The following PRELID2 variants were observed in gnomAD, a reference collection of about 807,000 sequenced individuals.
PRELID2 encodes PRELI domain-containing protein 2.
Under a neutral mutation model 28.4 loss-of-function variants are expected in PRELID2, and 25 were observed. The ratio of observed to expected loss-of-function variants is 0.88; its 90% CI spans 0.64 to 1.23. PRELID2 has a LOEUF of 1.23. Ranked by LOEUF, PRELID2 falls within the 50% of genes most tolerant of loss-of-function variation. The pLI, the probability that PRELID2 is intolerant of heterozygous loss-of-function variation, is 0.00. For synonymous variants in PRELID2, 76 were observed against 71.6 expected (o/e 1.06, Z -0.31); for missense variants, 201 against 214.4 (o/e 0.94, Z 0.39).
chr5:145,570,236 C>T (rs1753004830), intron 1 of PRELID2, among the ~76,000 whole-genome samples: 1 of 152,080 alleles, frequency 6.6e-6, no homozygotes, highest in African/African-American at 2.4e-5. Context: ...GGGGTTAGGA[C>T]ATCAATATAT....
At chr5:145,369,590 A>G in the PRELID2 span, among the ~76,000 whole-genome samples, 1 of 152,120 alleles carries the variant, frequency 6.6e-6, no homozygotes, top group South Asian at 2.1e-4. Context: ...ATATATGTGA[A>G]TGCATCTTTA....
the PRELID2 span, among the ~76,000 whole-genome samples, chr5:145,327,578 T>C: frequency 6.6e-6 from 1 of 152,136 alleles, no homozygotes; most frequent in African/African-American, 2.4e-5. Context: ...TGTCTTTTGA[T>C]TGGAGAATGT....
the PRELID2 span, among the ~76,000 whole-genome samples, chr5:145,328,322 A>C: frequency 1.3e-5 from 2 of 152,178 alleles, no homozygotes; most frequent in East Asian, 3.9e-4. Context: ...GCTGAGTCAA[A>C]TGGTAATTCT....
chr5:145,626,245 C>G (rs1267401363), intron 1 of PRELID2, among the ~76,000 whole-genome samples: 1 of 152,054 alleles, frequency 6.6e-6, no homozygotes, highest in African/African-American at 2.4e-5. Flanking sequence ...AAGCAGATAA[C>G]CTACAGAATT....
intron 1 of PRELID2, among the ~76,000 whole-genome samples, chr5:145,481,153 C>T (rs757822370): frequency 2.6e-5 from 4 of 152,100 alleles, no homozygotes; most frequent in African/African-American, 4.8e-5. Context: ...CTTCTATAAT[C>T]GTGCCAATTA....
intron 1 of PRELID2, among the ~76,000 whole-genome samples, chr5:145,666,474 C>A (rs147759136): frequency 1.0e-3 from 155 of 152,102 alleles, no homozygotes; most frequent in African/African-American, 3.6e-3. Flanking sequence ...GGCATCTATT[C>A]CAGACAGGTA....
intron 4 of PRELID2, among the ~76,000 whole-genome samples, chr5:145,800,992 C>T (rs766109350): frequency 3.9e-4 from 59 of 151,872 alleles, no homozygotes; most frequent in Admixed American, 2.1e-3. Flanking sequence ...GATGGACAGA[C>T]GGACGGATGA....
At chr5:145,603,461 A>G (rs1442505192) in intron 1 of PRELID2, among the ~76,000 whole-genome samples, 1 of 152,198 alleles carries the variant, frequency 6.6e-6, no homozygotes, top group African/African-American at 2.4e-5. Context: ...TGTTCTACCA[A>G]GTGAATGTAT....
At chr5:145,822,128 A>G (rs1254460370) in intron 2 of PRELID2, among the ~76,000 whole-genome samples, 3 of 152,276 alleles carry the variant, frequency 2.0e-5, no homozygotes, top group African/African-American at 7.2e-5. Context: ...CATGATTCCT[A>G]AGAAGGGTAA....
intron 1 of PRELID2, among the ~76,000 whole-genome samples, chr5:145,712,428 G>A (rs957939084): frequency 1.3e-5 from 2 of 152,100 alleles, no homozygotes; most frequent in South Asian, 2.1e-4. Context: ...ATTGGCAAGG[G>A]TAGAAATCAG....
chr5:145,423,204 A>G, the PRELID2 span, among the ~76,000 whole-genome samples: 3 of 151,134 alleles, frequency 2.0e-5, no homozygotes, highest in East Asian at 5.9e-4. Flanking sequence ...GAATCTGACA[A>G]TTATGTGTCT....
the PRELID2 span, among the ~76,000 whole-genome samples, chr5:145,317,694 C>T: frequency 2.8e-3 from 429 of 152,300 alleles, 3 homozygotes; most frequent in African/African-American, 1.0e-2. Flanking sequence ...TCTTCTATGA[C>T]TCCAGCTCAC....
At chr5:145,811,916 A>G (rs557261978) in intron 4 of PRELID2, among the ~76,000 whole-genome samples, 1 of 152,274 alleles carries the variant, frequency 6.6e-6, no homozygotes, top group South Asian at 2.1e-4. Context: ...CATGAAGAGG[A>G]AAAAAGGTGT....
At chr5:145,512,928 G>A (rs973727443) in intron 1 of PRELID2, among the ~76,000 whole-genome samples, 2 of 152,084 alleles carry the variant, frequency 1.3e-5, no homozygotes, top group African/African-American at 4.8e-5. Flanking sequence ...CAAACAGAAA[G>A]GAATAGCATC....
chr5:145,573,968 A>T (rs982104358), intron 1 of PRELID2, among the ~76,000 whole-genome samples: 3 of 152,238 alleles, frequency 2.0e-5, no homozygotes, highest in Non-Finnish European at 4.4e-5. Context: ...TTCTCCCTGG[A>T]AACAATGGAT....
intron 1 of PRELID2, among the ~76,000 whole-genome samples, chr5:145,693,086 A>G (rs1755183022): frequency 6.6e-6 from 1 of 152,126 alleles, no homozygotes; most frequent in South Asian, 2.1e-4. Flanking sequence ...ATTGTTCCTC[A>G]TAAATTCCTT....
At chr5:145,795,649 A>C (rs2149816214) in intron 5 of PRELID2, 1 of 152,302 alleles carries the variant, frequency 6.6e-6, no homozygotes, top group East Asian at 1.9e-4. Context: ...AAAATCTGGA[A>C]ATAAATGAGT....
At chr5:145,692,700 G>T (rs938275452) in intron 1 of PRELID2, among the ~76,000 whole-genome samples, 1 of 152,164 alleles carries the variant, frequency 6.6e-6, no homozygotes, top group Non-Finnish European at 1.5e-5. Context: ...TATACCAAAA[G>T]ACAAGTATTT....
At chr5:145,392,708 AAGAG>A in the PRELID2 span, among the ~76,000 whole-genome samples, 6 of 151,984 alleles carry the variant, frequency 3.9e-5, no homozygotes, top group African/African-American at 1.4e-4. Flanking sequence ...GAGAGAAAGA[AAGAG>A]AGAGGGAAAG....
Sources: gnomAD v4.1 joint callset for allele counts (sites outside exome capture counted in the v4.1 genomes callset) on GRCh38, gnomAD v4.1.1 for gene constraint, MANE v1.5 for transcripts, NCBI Gene and HGNC (gene_info 2026-07-23, HGNC 2026-07-21) for gene names.